SPPL2A: variants seen among roughly 807,000 people sequenced by gnomAD.
SPPL2A encodes signal peptide peptidase like 2A.
A neutral mutation model predicts 63.8 loss-of-function variants in SPPL2A; 51 were observed. The ratio of observed to expected loss-of-function variants is 0.80; its 90% CI spans 0.64 to 1.01. The LOEUF is 1.01. SPPL2A is among the 50% of genes least tolerant of loss of function. The pLI is 0.00. For synonymous variants in SPPL2A, 188 were observed against 205.8 expected, an observed-to-expected ratio of 0.91 and a Z score of 0.74; for missense variants, 553 against 622.7, an observed-to-expected ratio of 0.89 and a Z score of 1.19.
At chr15:50,745,783 G>A (rs2062852784) in intron 5 of SPPL2A, among the ~76,000 whole-genome samples, 1 of 152,134 alleles carries the variant, frequency 6.6e-6, no homozygotes, top group Non-Finnish European at 1.5e-5. Flanking sequence ...GGGCACGGTA[G>A]CTCACGCCTG....
intron 8 of SPPL2A, among the ~76,000 whole-genome samples, chr15:50,735,623 G>C (rs922609595): frequency 1.3e-5 from 2 of 151,906 alleles, no homozygotes; most frequent in South Asian, 2.1e-4. Flanking sequence ...GCAATGGCGC[G>C]ATCTTGGCTC....
At chr15:50,721,921 T>A (rs2062650215) in intron 13 of SPPL2A, among the ~76,000 whole-genome samples, 1 of 152,102 alleles carries the variant, frequency 6.6e-6, no homozygotes, top group Non-Finnish European at 1.5e-5. Context: ...ACTGTTTTTT[T>A]AGAGATGGGG....
At chr15:50,735,950 A>G (rs927416466) in intron 8 of SPPL2A, 151 bp downstream of exon 8, 4 of 560,136 alleles carry the variant, frequency 7.1e-6, no homozygotes, top group South Asian at 4.5e-5. Flanking sequence ...ATGCATTAAC[A>G]TAAGATCTGC....
Position 50,722,129 on chromosome 15 carries a change from GT to G in SPPL2A, c.1321del (p.Thr441GlnfsTer8). On this transcript the variant is annotated frameshift_variant, in exon 13 of 15. Transcript: ENST00000261854. LOFTEE classifies it high-confidence loss of function. ...GSSYIYYVSS[T>X]VAYAIGMILT... ...AAAGAAAAACAAAAATTTACCAACT[GT>G]AGACGAAACATAGTATATGTAAGAA... is the stretch of plus-strand genomic sequence containing the variant. 1 of 1,552,902 alleles carries G rather than the reference GT, an allele frequency of 6.4e-7. No homozygotes were observed. Among genetic ancestry groups the G allele is most frequent in the Non-Finnish European group, 8.9e-7 (1 of 1,127,786 alleles).
chr15:50,749,835 G>A, intron 1 of SPPL2A, 89 bp from the exon 2 acceptor site: 1 of 785,222 alleles, frequency 1.3e-6, no homozygotes, highest in South Asian at 1.5e-5. Flanking sequence ...ATGCAGGGTT[G>A]ATCACATTTC....
At chr15:50,742,226 G>A (rs10400826) in intron 5 of SPPL2A, among the ~76,000 whole-genome samples, 24,203 of 151,902 alleles carry the variant, frequency 0.16, 2,502 homozygotes, top group East Asian at 0.45. Flanking sequence ...CCTGGCTAAC[G>A]TGGTGAAACC....
intron 1 of SPPL2A, among the ~76,000 whole-genome samples, chr15:50,762,960 G>C (rs1433419995): frequency 6.7e-6 from 1 of 150,268 alleles, no homozygotes; most frequent in Non-Finnish European, 1.5e-5. Context: ...GGCCAGGCTG[G>C]TCTCAAACTC....
intron 12 of SPPL2A, among the ~76,000 whole-genome samples, chr15:50,724,807 C>T (rs2062673617): frequency 6.6e-6 from 1 of 152,180 alleles, no homozygotes; most frequent in Non-Finnish European, 1.5e-5. Flanking sequence ...AGCTGGTGTT[C>T]TTCTATGTTT....
intron 13 of SPPL2A, 121 bp downstream of exon 13, chr15:50,722,003 G>T: frequency 1.7e-6 from 1 of 601,708 alleles, no homozygotes; most frequent in African/African-American, 1.9e-5. Context: ...CCCCCAAAGT[G>T]CTAGGACTCC....
intron 5 of SPPL2A, among the ~76,000 whole-genome samples, chr15:50,745,548 C>CTTT (rs34633198): frequency 2.5e-5 from 3 of 118,080 alleles, no homozygotes; most frequent in South Asian, 2.9e-4. Context: ...TGCAGCTGGC[C>CTTT]TTTTTTTTTT....
intron 9 of SPPL2A, among the ~76,000 whole-genome samples, chr15:50,731,762 T>C (rs1026369560): frequency 1.6e-4 from 24 of 150,206 alleles, no homozygotes; most frequent in African/African-American, 5.6e-4. Flanking sequence ...ACGCTGTCTC[T>C]ACTAAAAATA....
At chr15:50,727,509 TTATG>T (rs770623356) in intron 10 of SPPL2A, among the ~76,000 whole-genome samples, 5 of 152,230 alleles carry the variant, frequency 3.3e-5, no homozygotes, top group Non-Finnish European at 7.3e-5. Flanking sequence ...TTTCTAATTG[TTATG>T]TAAAACATTT....
chr15:50,731,316 G>A (rs1431592125), intron 9 of SPPL2A, among the ~76,000 whole-genome samples: 1 of 151,942 alleles, frequency 6.6e-6, no homozygotes, highest in East Asian at 1.9e-4. Context: ...GGAGACTGAG[G>A]CGGGGCGGAT....
chr15:50,747,855 C>A lies in SPPL2A; in HGVS notation c.451-227G>T, dbSNP rs2062871421. On this transcript the variant is annotated intron_variant, in intron 4 of 14. Coordinates refer to ENST00000261854, the MANE Select transcript of SPPL2A (RefSeq NM_032802.4). ...GTGTTCTACACAATCATATTTTGTT[C>A]AGGAACCTAAAGTTAAGATAAATGA... The A allele has an allele frequency of 1.5e-5, 7 of 473,404 alleles. No individual in the cohort carries two copies. In the South Asian group the frequency reaches 2.4e-4, roughly 16 times the overall value. 29.3% of individuals were successfully genotyped at this position (473,404 alleles called of 1,614,324 possible).
chr15:50,732,808 AGACAGATTCT>A, intron 8 of SPPL2A, 124 bp from the exon 9 acceptor site: 1 of 629,814 alleles, frequency 1.6e-6, no homozygotes, highest in Non-Finnish European at 2.8e-6. Context: ...TTTTTTTTTA[AGACAGATTCT>A]CACTCTGTCA....
chr15:50,758,552 T>C (rs2141062375), intron 1 of SPPL2A, among the ~76,000 whole-genome samples: 1 of 151,926 alleles, frequency 6.6e-6, no homozygotes, highest in African/African-American at 2.4e-5. Context: ...ATGGTCTCGA[T>C]CTCTTGACCG....
intron 14 of SPPL2A, among the ~76,000 whole-genome samples, chr15:50,711,350 C>T (rs2062556911): frequency 6.6e-6 from 1 of 151,820 alleles, no homozygotes; most frequent in African/African-American, 2.4e-5. Context: ...GCTGGGATTA[C>T]AGGCACACGC....
rs1482896005 is a variant in SPPL2A, at chr15:50,703,568, G to C, written c.*4232C>G. 6.6e-6 allele frequency: 1 copy of C among 150,974 alleles called. No homozygotes were observed. The highest frequency in any genetic ancestry group is 1.5e-5 in the Non-Finnish European group (1 of 67,872). The allele number at this position is 150,974 out of a possible 1,614,324, so 9.4% of individuals were successfully genotyped here. A position where few individuals can be genotyped will look rare whatever the true frequency, so the allele number is the denominator to read the frequency against. ...AGTAGAGACGGGGTTTCACCATGTT[G>C]GTCAGGCTGGTCTCAAACTCCTGAC... On this transcript the variant is annotated 3_prime_UTR_variant, in exon 15 of 15. Transcript: ENST00000261854.
chr15:50,717,294 G>A (rs2062605831), intron 14 of SPPL2A, among the ~76,000 whole-genome samples: 1 of 151,826 alleles, frequency 6.6e-6, no homozygotes, highest in East Asian at 1.9e-4. Flanking sequence ...CCCACCTCAG[G>A]CTCCCGAGCA....
Sources: allele counts gnomAD v4.1 joint callset (sites outside exome capture counted in the v4.1 genomes callset), GRCh38; gene constraint gnomAD v4.1.1; transcripts MANE v1.5; gene names NCBI Gene and HGNC (gene_info 2026-07-23, HGNC 2026-07-21).